Variants in RAC2 observed in about 807,000 individuals in gnomAD.
RAC2 encodes the protein Rac family small GTPase 2.
A neutral mutation model predicts 24.0 loss-of-function variants in RAC2; 1 was observed. That is an observed-to-expected ratio of 0.04 (90% CI 0.01 to 0.20). The LOEUF (loss-of-function observed/expected upper bound fraction) is 0.20. RAC2 is among the 10% of genes least tolerant of loss of function. The pLI is 1.00. For missense variants in RAC2, 130 were observed against 259.1 expected, an observed-to-expected ratio of 0.50 and a Z score of 3.42; for synonymous variants, 114 against 106.8, an observed-to-expected ratio of 1.07 and a Z score of -0.41.
At chr22:37,226,977 C>T (rs1926865656) in intron 5 of RAC2, among the ~76,000 whole-genome samples, 174 bp from the exon 6 acceptor site, 1 of 127,780 alleles carries the variant, frequency 7.8e-6, no homozygotes, top group Admixed American at 7.6e-5. Context: ...CCATACACCC[C>T]TCCCACGCCA....
At chr22:37,238,857 G>A (rs373831338) in intron 2 of RAC2, among the ~76,000 whole-genome samples, 5 of 152,220 alleles carry the variant, frequency 3.3e-5, no homozygotes, top group South Asian at 2.1e-4. Context: ...GCTCAGGAAG[G>A]TGTCAGTTCC....
In RAC2 at chr22:37,232,825, G is replaced by C; in HGVS notation, c.201C>G (p.Leu67=). The C allele has an allele frequency of 6.2e-7, 1 of 1,613,940 alleles. No individual in the cohort carries two copies. Among genetic ancestry groups the C allele is most frequent in the South Asian group, 1.1e-5 (1 of 91,082 alleles). ...DTAGQEDYDR[L]RPLSYPQTDV... is the part of the protein sequence containing the mutation. ...CCGTCTGTGGATAGGAGAGCGGCCG[G>C]AGACGGTCGTAGTCCTCCTGCCCAG... Residue 67 remains leucine, a synonymous_variant, in exon 3 of 7, where the codon CTC becomes CTG. Transcript: ENST00000249071.
intron 3 of RAC2, chr22:37,232,406 A>T (rs1414042070): frequency 2.4e-6 from 1 of 419,788 alleles, no homozygotes; most frequent in Non-Finnish European, 4.5e-6. Context: ...GCCTCCCTGC[A>T]TACCCTGGAG....
At chr22:37,244,044 G>A in intron 1 of RAC2, 70 bp downstream of exon 1, 1 of 1,599,466 alleles carries the variant, frequency 6.3e-7, no homozygotes, top group Non-Finnish European at 8.6e-7. Flanking sequence ...GCTTCCCCAG[G>A]GGCACCAGGG....
intron 5 of RAC2, among the ~76,000 whole-genome samples, chr22:37,230,306 T>A (rs2145822760): frequency 6.6e-6 from 1 of 151,788 alleles, no homozygotes; most frequent in East Asian, 1.9e-4. Context: ...GGAGGTCTAG[T>A]GGATTCAATT....
intron 1 of RAC2, among the ~76,000 whole-genome samples, chr22:37,241,999 C>T (rs1045125399): frequency 9.2e-5 from 14 of 152,184 alleles, no homozygotes; most frequent in African/African-American, 3.4e-4. Context: ...GAGGGGCCCC[C>T]GACGCCTGAC....
At chr22:37,229,703 C>A (rs900649451) in intron 5 of RAC2, among the ~76,000 whole-genome samples, 5 of 152,246 alleles carry the variant, frequency 3.3e-5, no homozygotes, top group Non-Finnish European at 7.3e-5. Context: ...CAGCTCCATG[C>A]AGGGTCAGCC....
intron 3 of RAC2, among the ~76,000 whole-genome samples, chr22:37,232,204 T>G (rs1927087316): frequency 6.6e-6 from 1 of 152,222 alleles, no homozygotes; most frequent in Non-Finnish European, 1.5e-5. Context: ...CCAGGGCCTC[T>G]GCGAAGTGGT....
intron 1 of RAC2, 64 bp downstream of exon 1, chr22:37,244,050 C>G (rs1229707926): frequency 3.1e-6 from 5 of 1,606,432 alleles, no homozygotes; most frequent in Non-Finnish European, 4.3e-6. Context: ...CCAGGGGCAC[C>G]AGGGCGGAAG....
intron 3 of RAC2, 99 bp from the exon 4 acceptor site, chr22:37,232,093 A>T: frequency 2.4e-6 from 3 of 1,234,556 alleles, no homozygotes; most frequent in Non-Finnish European, 3.5e-6. Flanking sequence ...CTGAGGGTGG[A>T]ACACCCCAGG....
chr22:37,241,139 C>G (rs889730303), intron 2 of RAC2: 5 of 778,902 alleles, frequency 6.4e-6, no homozygotes, highest in Non-Finnish European at 7.2e-6. Context: ...CCTCCGCATC[C>G]TGCAATAGAG....
At chr22:37,226,521 G>A (rs1402101019) in intron 6 of RAC2, 150 bp downstream of exon 6, 2 of 1,043,724 alleles carry the variant, frequency 1.9e-6, no homozygotes, top group African/African-American at 1.6e-5. Context: ...GGCCCAGGCA[G>A]ATGACAAGTA....
chr22:37,240,919 G>A lies in RAC2; in HGVS notation c.107+668C>T, dbSNP rs775100367. 600 of 672,072 alleles carry A rather than the reference G, an allele frequency of 8.9e-4. 2 individuals carry two copies. The highest frequency in any genetic ancestry group is 1.4e-3 in the Admixed American group (65 of 46,164). The allele number at this position is 672,072 out of a possible 1,614,324, so 41.6% of individuals were successfully genotyped here. A position where few individuals can be genotyped will look rare whatever the true frequency, so the allele number is the denominator to read the frequency against. On this transcript the variant is annotated intron_variant, in intron 2 of 6. Transcript: ENST00000249071. ...CAGTAGGGTCCGGAGGAGGCAGAGT[G>A]TGAAGCAAAGTAATGGGTAATAAGG...
chr22:37,231,425 G>A lies in RAC2; in HGVS notation c.289-35C>T. ...TGGGTGGGGGGACACAAGGTTGTAT[G>A]GGTCAAGAGGGGGCGCGAGGCTGTG... On this transcript the variant is annotated intron_variant, in intron 4 of 6. Coordinates refer to ENST00000249071, the MANE Select transcript of RAC2 (RefSeq NM_002872.5). The surrounding 1 kb of genome is among the most constrained non-coding windows in gnomAD (Gnocchi z 5.5). 1 of 1,604,166 alleles carries A rather than the reference G, an allele frequency of 6.2e-7. No individual in the cohort carries two copies. The highest frequency in any genetic ancestry group is 1.7e-5 in the Admixed American group (1 of 59,974).
At chr22:37,240,371 C>A (rs566851767) in intron 2 of RAC2, among the ~76,000 whole-genome samples, 4 of 152,366 alleles carry the variant, frequency 2.6e-5, no homozygotes, top group Admixed American at 2.6e-4. Flanking sequence ...GCCTGGGAGG[C>A]AAGCCTCTTA....
Position 37,241,578 on chromosome 22 carries a change from G to C in RAC2, c.107+9C>G. The C allele has an allele frequency of 6.2e-7, 1 of 1,610,280 alleles. No homozygotes were observed. Among genetic ancestry groups the C allele is most frequent in the Non-Finnish European group, 8.5e-7 (1 of 1,176,522 alleles). ...CCTCCCACCACCCCACATATCCCCA[G>C]GAACTCACACGGTGGGGATGTACTC... On this transcript the variant is annotated intron_variant, in intron 2 of 6. Coordinates refer to ENST00000249071, the MANE Select transcript of RAC2 (RefSeq NM_002872.5).
At chr22:37,232,385 C>T (rs377297719) in intron 3 of RAC2, 9 of 415,986 alleles carry the variant, frequency 2.2e-5, no homozygotes, top group South Asian at 6.7e-5. Context: ...ATCTGATTAC[C>T]GGCCTTAGCC....
intron 1 of RAC2, 44 bp downstream of exon 1, chr22:37,244,070 G>A: frequency 6.2e-7 from 1 of 1,612,824 alleles, no homozygotes; most frequent in Non-Finnish European, 8.5e-7. Context: ...GGATCTCAGG[G>A]CATCCCAGTT....
chr22:37,232,964 A>G (rs1311755708), intron 2 of RAC2, 46 bp from the exon 3 acceptor site: 1 of 1,421,522 alleles, frequency 7.0e-7, no homozygotes, highest in African/African-American at 1.4e-5. Flanking sequence ...CTCAAACCCC[A>G]GAACCTGGGA....
Sources: allele counts gnomAD v4.1 joint callset (sites outside exome capture counted in the v4.1 genomes callset), GRCh38; gene constraint gnomAD v4.1.1; non-coding constraint Gnocchi (gnomAD v3.1); transcripts MANE v1.5; gene names NCBI Gene and HGNC (gene_info 2026-07-23, HGNC 2026-07-21).